The following DPP10 variants were observed in gnomAD, a reference collection of about 807,000 sequenced individuals.
DPP10 encodes dipeptidyl peptidase like 10, also known as inactive dipeptidyl peptidase 10.
Under a neutral mutation model 120.9 loss-of-function variants are expected in DPP10, and 33 were observed. That is an observed-to-expected ratio of 0.27 (90% CI 0.21 to 0.37). The LOEUF is 0.37. Among genes scored for constraint, DPP10 ranks in the 10% least tolerant of loss-of-function variants. The pLI is 1.00. For synonymous variants in DPP10, 337 were observed against 326.1 expected (o/e 1.03, Z -0.36); for missense variants, 816 against 942.8 (o/e 0.87, Z 1.76).
At chr2:115,320,307 T>A (rs2061997377) in intron 2 of DPP10, among the ~76,000 whole-genome samples, 1 of 152,204 alleles carries the variant, frequency 6.6e-6, no homozygotes. Flanking sequence ...TCTGCCATTT[T>A]CAGCCTTTTG....
chr2:114,639,479 T>C (rs1695546115), intron 1 of DPP10, among the ~76,000 whole-genome samples: 1 of 151,594 alleles, frequency 6.6e-6, no homozygotes, highest in South Asian at 2.1e-4. Flanking sequence ...ATGGGAACAA[T>C]AGACATTAGA....
At chr2:115,220,705 T>G (rs1328149818) in intron 1 of DPP10, among the ~76,000 whole-genome samples, 2 of 152,206 alleles carry the variant, frequency 1.3e-5, no homozygotes, top group African/African-American at 4.8e-5. Context: ...AAACTTGTAG[T>G]TCATTTAGTT....
intron 11 of DPP10, among the ~76,000 whole-genome samples, chr2:115,755,640 A>C (rs1679296011): frequency 1.3e-5 from 2 of 152,218 alleles, no homozygotes; most frequent in East Asian, 1.9e-4. Flanking sequence ...AAGCACAGAC[A>C]ACAAAAAGAA....
intron 1 of DPP10, among the ~76,000 whole-genome samples, chr2:115,148,454 G>T (rs1308671615): frequency 6.6e-6 from 1 of 152,106 alleles, no homozygotes; most frequent in Non-Finnish European, 1.5e-5. Context: ...AATAAACAGT[G>T]TCTGCATTCT....
chr2:115,365,856 G>A (rs10180987), intron 3 of DPP10, among the ~76,000 whole-genome samples: 105,409 of 151,676 alleles, frequency 0.69, 37,140 homozygotes, highest in Admixed American at 0.77. Context: ...AATGAATCCT[G>A]GGATGACTAT....
At chr2:115,476,620 T>C (rs1335114591) in intron 3 of DPP10, among the ~76,000 whole-genome samples, 3 of 152,098 alleles carry the variant, frequency 2.0e-5, no homozygotes, top group African/African-American at 7.2e-5. Flanking sequence ...GCACCAAGGA[T>C]ATGGCACTAA....
At chr2:115,680,780 G>T (rs1352460386) in intron 5 of DPP10, among the ~76,000 whole-genome samples, 2 of 150,592 alleles carry the variant, frequency 1.3e-5, no homozygotes, top group Non-Finnish European at 3.0e-5. Flanking sequence ...TGCTAAATAG[G>T]GTAAAATGTT....
At chr2:115,302,089 A>G (rs1412697368) in intron 1 of DPP10, among the ~76,000 whole-genome samples, 2 of 152,022 alleles carry the variant, frequency 1.3e-5, no homozygotes, top group East Asian at 3.9e-4. Context: ...GGGGAAGCAA[A>G]TACATGTTAC....
intron 1 of DPP10, among the ~76,000 whole-genome samples, chr2:115,057,802 A>C (rs1040929377): frequency 6.6e-6 from 1 of 152,180 alleles, no homozygotes; most frequent in East Asian, 1.9e-4. Context: ...TTTGAAGGTT[A>C]TTCAGGACAA....
chr2:114,696,786 A>T (rs1305345278), intron 1 of DPP10, among the ~76,000 whole-genome samples: 1 of 151,996 alleles, frequency 6.6e-6, no homozygotes, highest in Non-Finnish European at 1.5e-5. Flanking sequence ...TCATTAGAGG[A>T]GAGGCAAAAG....
At chr2:115,279,641 CTTTT>C (rs1200835822) in intron 1 of DPP10, among the ~76,000 whole-genome samples, 2 of 66,406 alleles carry the variant, frequency 3.0e-5, no homozygotes, top group African/African-American at 5.6e-5. Context: ...TTCTTTCTTT[CTTTT>C]TTTCTTCTTC....
At chr2:114,464,819 C>A (rs552585587) in intron 1 of DPP10, among the ~76,000 whole-genome samples, 2 of 152,108 alleles carry the variant, frequency 1.3e-5, no homozygotes, top group East Asian at 3.9e-4. Context: ...GAGCCGAGAT[C>A]GTGCCACTGC....
chr2:115,815,812 T>G (rs187906323), intron 21 of DPP10, 83 bp downstream of exon 21: 5 of 1,379,070 alleles, frequency 3.6e-6, no homozygotes, highest in Non-Finnish European at 5.0e-6. Context: ...AGGAGGCCAG[T>G]TGGTTACAGA....
intron 10 of DPP10, 51 bp from the exon 11 acceptor site, chr2:115,753,123 A>G: frequency 7.0e-6 from 11 of 1,564,082 alleles, no homozygotes; most frequent in Non-Finnish European, 7.8e-6. Context: ...TGTTGGTACT[A>G]TATCAATGCT....
chr2:114,645,044 T>A (rs2105450325), intron 1 of DPP10, among the ~76,000 whole-genome samples: 1 of 152,044 alleles, frequency 6.6e-6, no homozygotes, highest in African/African-American at 2.4e-5. Context: ...GGCAGACAGA[T>A]CTTACTTTGC....
intron 1 of DPP10, among the ~76,000 whole-genome samples, chr2:114,969,033 A>C (rs1699224029): frequency 6.6e-6 from 1 of 152,220 alleles, no homozygotes. Flanking sequence ...TACTAAGCAA[A>C]CACTTTCCTG....
intron 1 of DPP10, among the ~76,000 whole-genome samples, chr2:114,777,021 A>G (rs928755957): frequency 6.6e-5 from 10 of 152,186 alleles, no homozygotes; most frequent in African/African-American, 2.4e-4. Context: ...TGTAGTACAT[A>G]ACTATATAAT....
At chr2:115,596,613 A>T (rs993842380) in intron 5 of DPP10, among the ~76,000 whole-genome samples, 1 of 152,278 alleles carries the variant, frequency 6.6e-6, no homozygotes, top group East Asian at 1.9e-4. Context: ...GCAACCCCAA[A>T]TGTGCAATTC....
chr2:115,691,236 A>C (rs916306479), intron 7 of DPP10, among the ~76,000 whole-genome samples: 1 of 151,924 alleles, frequency 6.6e-6, no homozygotes, highest in Non-Finnish European at 1.5e-5. Flanking sequence ...TTCTACAAAC[A>C]TATTTTTTTA....
Sources: gnomAD v4.1 joint callset for allele counts (sites outside exome capture counted in the v4.1 genomes callset) on GRCh38, gnomAD v4.1.1 for gene constraint, MANE v1.5 for transcripts, NCBI Gene and HGNC (gene_info 2026-07-23, HGNC 2026-07-21) for gene names.